HMGB1: variants seen among roughly 807,000 people sequenced by gnomAD.
The protein encoded by HMGB1 is high mobility group box 1.
For missense variants in HMGB1, 79 were observed against 253.5 expected, an observed-to-expected ratio of 0.31 and a Z score of 4.67; for synonymous variants, 81 against 84.0, an observed-to-expected ratio of 0.96 and a Z score of 0.19.
At chr13:30,586,889 A>G (rs1416912528) in intron 1 of HMGB1, among the ~76,000 whole-genome samples, 1 of 151,698 alleles carries the variant, frequency 6.6e-6, no homozygotes, top group Non-Finnish European at 1.5e-5. Flanking sequence ...ACCTGTCCCT[A>G]CCTCCCTCAA....
intron 1 of HMGB1, among the ~76,000 whole-genome samples, chr13:30,605,871 G>A (rs924154795): frequency 4.6e-5 from 7 of 152,156 alleles, no homozygotes; most frequent in Admixed American, 1.3e-4. Flanking sequence ...TATGTACTGT[G>A]TATTGTTTGA....
intron 1 of HMGB1, among the ~76,000 whole-genome samples, chr13:30,579,013 C>CCACA (rs1455354642): frequency 6.6e-6 from 1 of 152,224 alleles, no homozygotes; most frequent in African/African-American, 2.4e-5. Context: ...ACAGGACTTA[C>CCACA]CACAAGTTAT....
intron 1 of HMGB1, among the ~76,000 whole-genome samples, chr13:30,510,489 C>T (rs1387417449): frequency 1.3e-5 from 2 of 152,166 alleles, no homozygotes; most frequent in African/African-American, 2.4e-5. Context: ...CTCTGGAATC[C>T]GTTACTAAAC....
chr13:30,530,902 C>T (rs556022486), intron 1 of HMGB1, among the ~76,000 whole-genome samples: 1 of 152,206 alleles, frequency 6.6e-6, no homozygotes, highest in African/African-American at 2.4e-5. Context: ...CAAAAATTAG[C>T]TGGGTGTGGT....
In HMGB1 at chr13:30,463,260, G is replaced by A. The variant is rs1168938572; in HGVS notation, c.243C>T (p.Pro81=). The A allele has an allele frequency of 6.2e-7, 1 of 1,605,518 alleles. No homozygotes were observed. Residue 81 remains proline (P), a synonymous_variant, in exon 3 of 5, where the codon CCC becomes CCT. Transcript: ENST00000341423. The stretch of plus-strand genomic sequence containing the variant: ...TGAACTTCTTTTTTGTCTCCCCTTT[G>A]GGAGGGATATAGGTTTTCATTTCTC... The part of the protein sequence containing the change: ...YEREMKTYIP[P]KGETKKKFKD...
At chr13:30,557,191 T>C (rs1412415934) in intron 1 of HMGB1, among the ~76,000 whole-genome samples, 1 of 152,212 alleles carries the variant, frequency 6.6e-6, no homozygotes, top group African/African-American at 2.4e-5. Flanking sequence ...AATTGTATGA[T>C]ATGTTTTTGT....
chr13:30,614,411 C>T (rs1950541394), intron 1 of HMGB1, among the ~76,000 whole-genome samples: 1 of 152,218 alleles, frequency 6.6e-6, no homozygotes, highest in Admixed American at 6.5e-5. Context: ...AGAGATCCAT[C>T]TATTCCAAAC....
chr13:30,513,233 C>A (rs1459569331), intron 1 of HMGB1, among the ~76,000 whole-genome samples: 1 of 152,114 alleles, frequency 6.6e-6, no homozygotes, highest in Non-Finnish European at 1.5e-5. Context: ...AGGATTTTAA[C>A]CTGGATTCCA....
At chr13:30,576,666 G>A (rs1270755562) in intron 1 of HMGB1, among the ~76,000 whole-genome samples, 3 of 151,626 alleles carry the variant, frequency 2.0e-5, no homozygotes, top group Non-Finnish European at 4.4e-5. Flanking sequence ...ATCCACACAC[G>A]TCGCTGCCTC....
chr13:30,615,019 T>A (rs746017112), intron 1 of HMGB1, among the ~76,000 whole-genome samples: 1 of 152,086 alleles, frequency 6.6e-6, no homozygotes, highest in Non-Finnish European at 1.5e-5. Flanking sequence ...CGAGTTGTCA[T>A]GTTTTATCTA....
chr13:30,543,748 C>T (rs1272759173), intron 1 of HMGB1, among the ~76,000 whole-genome samples: 1 of 152,170 alleles, frequency 6.6e-6, no homozygotes, highest in Non-Finnish European at 1.5e-5. Context: ...ATAAGTCTGT[C>T]AAGGTCTCTA....
chr13:30,591,772 G>A (rs1387687339), intron 1 of HMGB1, among the ~76,000 whole-genome samples: 2 of 152,100 alleles, frequency 1.3e-5, no homozygotes, highest in East Asian at 1.9e-4. Context: ...ACGCATGCCT[G>A]GCCACAACAG....
chr13:30,543,126 T>G (rs1440891734), intron 1 of HMGB1: 1 of 146,694 alleles, frequency 6.8e-6, no homozygotes, highest in Non-Finnish European at 1.5e-5. Context: ...GGTTTTTTTT[T>G]TTTTTTTTTT....
chr13:30,555,338 C>A (rs1330277866), intron 1 of HMGB1, among the ~76,000 whole-genome samples: 2 of 151,984 alleles, frequency 1.3e-5, no homozygotes, highest in Non-Finnish European at 2.9e-5. Context: ...ACCGCATTGG[C>A]CTGTTAAGTG....
chr13:30,483,434 T>C (rs1887283310), intron 1 of HMGB1, among the ~76,000 whole-genome samples: 1 of 152,100 alleles, frequency 6.6e-6, no homozygotes, highest in Non-Finnish European at 1.5e-5. Context: ...CTCTGATCCC[T>C]GTCACTTCCC....
upstream of HMGB1, among the ~76,000 whole-genome samples, chr13:30,470,095 T>G (rs974350188): frequency 6.6e-6 from 1 of 152,000 alleles, no homozygotes; most frequent in African/African-American, 2.4e-5. Context: ...TTTTTTTTTT[T>G]GTAGAGGCAG....
chr13:30,560,936 T>A (rs1341778552), intron 1 of HMGB1, among the ~76,000 whole-genome samples: 1 of 150,666 alleles, frequency 6.6e-6, no homozygotes, highest in Non-Finnish European at 1.5e-5. Context: ...CTACAGGTTA[T>A]ATATGTTTTT....
chr13:30,522,480 AC>A (rs1391086606), intron 1 of HMGB1, among the ~76,000 whole-genome samples: 1 of 152,104 alleles, frequency 6.6e-6, no homozygotes, highest in African/African-American at 2.4e-5. Context: ...TAGCTACCTA[AC>A]TGTGATAGAG....
Position 30,511,707 on chromosome 13 carries a change from T to C in HMGB1, c.-14-48013A>G, listed in dbSNP as rs150578918. Among the ~76,000 whole-genome samples the C allele has an allele frequency of 6.4e-4, 97 of 152,330 alleles. No homozygotes were observed. In the South Asian group the frequency reaches 0.016, roughly 25 times the overall value. On this transcript the variant is annotated intron_variant, in intron 1 of 4. Coordinates refer to the HMGB1 transcript ENST00000405805. ...TAGGCTGGGCCTTGCATGTCCCATC[T>C]ATCTCCCTTGCCCTGGCTTCTTACC...
Sources: gnomAD v4.1 joint callset for allele counts (sites outside exome capture counted in the v4.1 genomes callset) on GRCh38, gnomAD v4.1.1 for gene constraint, MANE v1.5 for transcripts, NCBI Gene and HGNC (gene_info 2026-07-23, HGNC 2026-07-21) for gene names.